Variants in NBEAL1 observed in about 807,000 individuals in gnomAD.
NBEAL1 encodes the protein neurobeachin like 1, also known as neurobeachin-like protein 1.
NBEAL1 carries 273 observed loss-of-function variants against 351.3 expected under a neutral mutation model. The ratio of observed to expected loss-of-function variants is 0.78; its 90% CI spans 0.70 to 0.86. The LOEUF (loss-of-function observed/expected upper bound fraction) is 0.86, where lower values mean the gene tolerates loss of function less well. Among genes scored for constraint, NBEAL1 ranks in the 40% least tolerant of loss-of-function variants. The probability of loss-of-function intolerance (pLI) is 0.00; values close to 1 mark genes in which losing one functional copy is unlikely to be tolerated. For missense variants in NBEAL1, 2,961 were observed against 3,201.3 expected (o/e 0.92, Z 1.81); for synonymous variants, 1,050 against 1,086.4 (o/e 0.97, Z 0.66).
Position 203,078,577 on chromosome 2 carries a change from G to A in NBEAL1, c.684+740G>A, listed in dbSNP as rs545448657. 8.5e-5 allele frequency among the ~76,000 whole-genome samples: 13 copies of A among 152,266 alleles called. No individual in the cohort carries two copies. In the South Asian group the frequency reaches 1.0e-3, roughly 12 times the overall value. On this transcript the variant is annotated intron_variant, in intron 8 of 55. Coordinates refer to ENST00000683969, the MANE Select transcript of NBEAL1 (RefSeq NM_001378026.1). ...GCGGGTCAAACTGCTGGGCTCAAGC[G>A]ATCTTGCCCACCTCAGCCTCCCCAA... is the stretch of plus-strand genomic sequence containing the variant.
At chr2:203,168,979 TTG>T (rs1421011274) in intron 38 of NBEAL1, among the ~76,000 whole-genome samples, 1 of 152,080 alleles carries the variant, frequency 6.6e-6, no homozygotes. Flanking sequence ...AACTTTGCAT[TTG>T]TATAGCCCTG....
intron 43 of NBEAL1, chr2:203,182,496 A>C (rs1040119066): frequency 1.3e-5 from 2 of 152,242 alleles, no homozygotes; most frequent in Non-Finnish European, 2.9e-5. Flanking sequence ...AGAGATGGAC[A>C]CTTGAATGAA....
chr2:203,042,490 C>A lies in NBEAL1; in HGVS notation c.143+634C>A, dbSNP rs546446507. Among the ~76,000 whole-genome samples, 6 of 151,984 alleles carry A rather than the reference C, an allele frequency of 3.9e-5. No individual in the cohort carries two copies. The East Asian group carries it at 1.2e-3, about 29-fold the overall frequency. On this transcript the variant is annotated intron_variant, in intron 3 of 55. Coordinates refer to ENST00000683969, the MANE Select transcript of NBEAL1 (RefSeq NM_001378026.1). ...CCAGAGTTTTATTGGAGTCTTACTA[C>A]ATAATTGATTATGTGGTTGAGCTCA...
chr2:203,053,292 T>G (rs1283804540), intron 4 of NBEAL1, among the ~76,000 whole-genome samples: 1 of 152,178 alleles, frequency 6.6e-6, no homozygotes, highest in Non-Finnish European at 1.5e-5. Context: ...TGTAGTATCT[T>G]ATTGTTTTAA....
intron 37 of NBEAL1, 109 bp from the exon 38 acceptor site, chr2:203,167,118 A>T: frequency 9.8e-7 from 1 of 1,020,838 alleles, no homozygotes; most frequent in Non-Finnish European, 1.4e-6. Context: ...TAGTACAGAA[A>T]TTGAATTCCT....
chr2:203,140,498 T>C (rs2063338812), intron 31 of NBEAL1, among the ~76,000 whole-genome samples: 3 of 152,128 alleles, frequency 2.0e-5, no homozygotes. Flanking sequence ...CTCATTTCCC[T>C]GTGTTACTAA....
At chr2:203,093,838 C>T (rs2062121190) in intron 10 of NBEAL1, among the ~76,000 whole-genome samples, 1 of 152,076 alleles carries the variant, frequency 6.6e-6, no homozygotes, top group African/African-American at 2.4e-5. Context: ...GAGCAGGACT[C>T]TGTCTCAAAA....
chr2:203,207,346 G>C (rs1447910180), intron 51 of NBEAL1, among the ~76,000 whole-genome samples: 2 of 151,828 alleles, frequency 1.3e-5, no homozygotes, highest in African/African-American at 4.8e-5. Flanking sequence ...GGGCGCCTCT[G>C]CCCGGCCGCC....
intron 47 of NBEAL1, 34 bp from the exon 48 acceptor site, chr2:203,197,268 C>G (rs1318924084): frequency 8.1e-7 from 1 of 1,241,078 alleles, no homozygotes; most frequent in Non-Finnish European, 1.2e-6. Flanking sequence ...TAAAGATGAG[C>G]AGAACCAGCC....
At chr2:203,126,233 C>A (rs2196145) in intron 21 of NBEAL1, 140 bp downstream of exon 21, 12,341 of 918,678 alleles carry the variant, frequency 0.013, 111 homozygotes, top group Middle Eastern at 0.032. Flanking sequence ...TGTTCACAGG[C>A]AGCTTTTAAA....
In NBEAL1 at chr2:203,218,987, A is replaced by T. The variant is rs565849864; in HGVS notation, c.*1633A>T. On this transcript the variant is annotated 3_prime_UTR_variant, in exon 56 of 56. Coordinates refer to ENST00000683969, the MANE Select transcript of NBEAL1 (RefSeq NM_001378026.1). ...AAATGTCAAGGTGTCTTTTCTTAAG[A>T]CTTCAGGAATTTGTATTGAACAAAG... is the stretch of plus-strand genomic sequence containing the variant. 6.6e-6 allele frequency: 1 copy of T among 152,302 alleles called. No homozygotes were observed. The highest frequency in any genetic ancestry group is 1.5e-5 in the Non-Finnish European group (1 of 68,028). 9.4% of individuals were successfully genotyped at this position (152,302 alleles called of 1,614,324 possible). A position where few individuals can be genotyped will look rare whatever the true frequency, so the allele number is the denominator to read the frequency against.
intron 36 of NBEAL1, 28 bp downstream of exon 36, chr2:203,157,853 G>T: frequency 1.4e-6 from 2 of 1,461,304 alleles, no homozygotes; most frequent in Non-Finnish European, 1.8e-6. Flanking sequence ...AAATTATTTT[G>T]TTCTGAGAAA....
At chr2:203,026,945 A>G (rs2060868751) in intron 2 of NBEAL1, among the ~76,000 whole-genome samples, 1 of 152,182 alleles carries the variant, frequency 6.6e-6, no homozygotes, top group Admixed American at 6.5e-5. Flanking sequence ...GTCAAAGTTT[A>G]ATGCCTTGTA....
rs2062930083 is a variant in NBEAL1, at chr2:203,126,056, C to T, written c.2948C>T (p.Ser983Phe). 1 of 1,544,228 alleles carries T rather than the reference C, an allele frequency of 6.5e-7. No individual in the cohort carries two copies. Among genetic ancestry groups the T allele is most frequent in the East Asian group, 2.5e-5 (1 of 40,684 alleles). ...HPINQGNLIHSHGVATLGALL... is the reference protein window; with the variant it reads ...HPINQGNLIHFHGVATLGALL... The stretch of plus-strand genomic sequence containing the variant: ...ATCAACCAGGGCAATCTTATTCACT[C>T]CCATGGAGTTGCAACTCTTGGTGCT... Residue 983 changes from serine (S) to phenylalanine (F), a missense_variant, in exon 21 of 56, where the codon TCC becomes TTC. Physicochemically the swap from Ser to Phe is radical, Grantham distance 155 (BLOSUM62 -2). Transcript: ENST00000683969.
intron 11 of NBEAL1, among the ~76,000 whole-genome samples, chr2:203,098,221 GA>G (rs1054675890): frequency 4.6e-5 from 7 of 151,066 alleles, no homozygotes; most frequent in East Asian, 3.9e-4. Flanking sequence ...AATTTAGTTT[GA>G]AAAAAAACTA....
Position 203,099,677 on chromosome 2 carries a change from T to G in NBEAL1, c.1234T>G (p.Leu412Val). 6.4e-7 allele frequency: 1 copy of G among 1,551,946 alleles called. No individual in the cohort carries two copies. Among genetic ancestry groups the G allele is most frequent in the Non-Finnish European group, 8.7e-7 (1 of 1,146,906 alleles). ...DCLAISTIQALTAVMNKSPAA... is the reference protein window; with the variant it reads ...DCLAISTIQAVTAVMNKSPAA... The stretch of plus-strand genomic sequence containing the variant: ...TTTGGCCATATCAACCATTCAGGCT[T>G]TGACCGCAGTAATGAACAAATCTCC... Residue 412 changes from leucine (L) to valine (V), a missense_variant, in exon 12 of 56, where the codon TTG (leucine) becomes GTG (valine). Physicochemically the swap from Leu to Val is conservative, Grantham distance 32. Coordinates refer to ENST00000683969, the MANE Select transcript of NBEAL1 (RefSeq NM_001378026.1).
intron 6 of NBEAL1, among the ~76,000 whole-genome samples, chr2:203,063,585 AAAG>A (rs896101868): frequency 6.6e-6 from 1 of 151,936 alleles, no homozygotes; most frequent in African/African-American, 2.4e-5. Flanking sequence ...GAAGAGGAGA[AAAG>A]AAAAAAAGAA....
chr2:203,113,374 A>G (rs560716351), intron 17 of NBEAL1, 56 bp downstream of exon 17: 82 of 954,492 alleles, frequency 8.6e-5, no homozygotes, highest in Non-Finnish European at 1.1e-4. Flanking sequence ...TTGTTGTCTA[A>G]ATATATTCTG....
intron 19 of NBEAL1, among the ~76,000 whole-genome samples, chr2:203,122,625 G>C (rs904436112): frequency 6.6e-6 from 1 of 152,266 alleles, no homozygotes; most frequent in East Asian, 1.9e-4. Context: ...CCTGGCAGGG[G>C]CAACTGTCTG....
Sources: gnomAD v4.1 joint callset for allele counts (sites outside exome capture counted in the v4.1 genomes callset) on GRCh38, gnomAD v4.1.1 for gene constraint, MANE v1.5 for transcripts, NCBI Gene and HGNC (gene_info 2026-07-23, HGNC 2026-07-21) for gene names.